The following WDR43 variants were observed in gnomAD, a reference collection of about 807,000 sequenced individuals.
WDR43 encodes WD repeat domain 43, also known as WD repeat-containing protein 43.
A neutral mutation model predicts 91.4 loss-of-function variants in WDR43; 13 were observed. That is an observed-to-expected ratio of 0.14 (90% CI 0.09 to 0.23). WDR43 has a LOEUF of 0.23. Ranked by LOEUF, WDR43 falls within the 10% of genes least tolerant of loss-of-function variation. The pLI, the probability that WDR43 is intolerant of heterozygous loss-of-function variation, is 1.00. For synonymous variants in WDR43, 331 were observed against 287.9 expected, an observed-to-expected ratio of 1.15 and a Z score of -1.51; for missense variants, 780 against 809.4, an observed-to-expected ratio of 0.96 and a Z score of 0.44.
chr2:28,937,827 G>A, intron 13 of WDR43, 104 bp from the exon 14 acceptor site: 1 of 1,059,028 alleles, frequency 9.4e-7, no homozygotes. Flanking sequence ...TTTTCACAGA[G>A]CAACATTTAT....
chr2:28,933,990 A>G (rs1336336692), intron 11 of WDR43, among the ~76,000 whole-genome samples: 1 of 152,232 alleles, frequency 6.6e-6, no homozygotes, highest in African/African-American at 2.4e-5. Context: ...GATATTTACC[A>G]GGAGAATAAC....
intron 7 of WDR43, among the ~76,000 whole-genome samples, chr2:28,923,810 A>T (rs556845340): frequency 1.3e-5 from 2 of 152,034 alleles, no homozygotes; most frequent in East Asian, 3.9e-4. Flanking sequence ...TATAATTGAG[A>T]CTCAGAAGAA....
Position 28,896,166 on chromosome 2 carries a change from G to T in WDR43, c.225+1243G>T, listed in dbSNP as rs528646107. Among the ~76,000 whole-genome samples the T allele has an allele frequency of 1.3e-4, 20 of 152,116 alleles. No homozygotes were observed. In the South Asian group the frequency reaches 3.5e-3, roughly 27 times the overall value. Reference sequence around the variant, plus strand: ...TCTTTTATTTTCAAAGTTTTCTGTGGTTGTATTTTAACAGTCCTGTAAAGT... The same window carrying T: ...TCTTTTATTTTCAAAGTTTTCTGTGTTTGTATTTTAACAGTCCTGTAAAGT... On this transcript the variant is annotated intron_variant, in intron 1 of 17. Coordinates refer to ENST00000407426, the MANE Select transcript of WDR43 (RefSeq NM_015131.3).
chr2:28,925,165 C>T lies in WDR43; in HGVS notation c.1086+12C>T. The T allele has an allele frequency of 6.2e-7, 1 of 1,604,126 alleles. No individual in the cohort carries two copies. The highest frequency in any genetic ancestry group is 1.7e-5 in the Admixed American group (1 of 58,416). On this transcript the variant is annotated intron_variant, in intron 8 of 17. Transcript: ENST00000407426. ...CTATTGAGCGAGTGGTACGTAGCTG[C>T]TACTCTGGAGTAAAGCAATATAGCA...
chr2:28,932,466 T>G (rs1572599789), intron 11 of WDR43, among the ~76,000 whole-genome samples: 1 of 152,286 alleles, frequency 6.6e-6, no homozygotes, highest in African/African-American at 2.4e-5. Context: ...CCCAGCCAAG[T>G]AAACCCTTTT....
At chr2:28,895,626 A>T (rs1490440609) in intron 1 of WDR43, among the ~76,000 whole-genome samples, 1 of 151,620 alleles carries the variant, frequency 6.6e-6, no homozygotes, top group African/African-American at 2.4e-5. Context: ...AGGTTAAGTG[A>T]AGTAGTAGCT....
At chr2:28,930,172 C>T (rs1336987671) in intron 11 of WDR43, 4 of 467,378 alleles carry the variant, frequency 8.6e-6, no homozygotes, top group Non-Finnish European at 4.4e-6. Context: ...GGGGAAAATT[C>T]AAGAGGGTTG....
At chr2:28,921,576 T>C (rs1671026247) in intron 6 of WDR43, among the ~76,000 whole-genome samples, 1 of 152,198 alleles carries the variant, frequency 6.6e-6, no homozygotes, top group South Asian at 2.1e-4. Flanking sequence ...TGCAGAATAA[T>C]CTGCTTATTT....
At chr2:28,939,927 G>A (rs1421013568) in intron 14 of WDR43, among the ~76,000 whole-genome samples, 1 of 151,928 alleles carries the variant, frequency 6.6e-6, no homozygotes, top group East Asian at 2.0e-4. Context: ...CTAACACGGT[G>A]AAACCCCGTC....
Position 28,947,527 on chromosome 2 carries a change from T to G in WDR43, c.*748T>G, listed in dbSNP as rs1194295106. The G allele has an allele frequency of 6.6e-6, 1 of 152,206 alleles. No individual in the cohort carries two copies. Among genetic ancestry groups the G allele is most frequent in the African/African-American group, 2.4e-5 (1 of 41,470 alleles). The allele number at this position is 152,206 out of a possible 1,614,324, so 9.4% of individuals were successfully genotyped here. The stretch of plus-strand genomic sequence containing the variant: ...TCTAAAGAATCATCAGTGTATAGAT[T>G]AGAAGTGCTCATTACCTGCAACTTT... On this transcript the variant is annotated 3_prime_UTR_variant, in exon 18 of 18. Coordinates refer to ENST00000407426, the MANE Select transcript of WDR43 (RefSeq NM_015131.3).
chr2:28,925,350 G>A (rs182844569), intron 8 of WDR43, among the ~76,000 whole-genome samples, 197 bp downstream of exon 8: 95 of 152,026 alleles, frequency 6.2e-4, no homozygotes, highest in Non-Finnish European at 1.2e-3. Flanking sequence ...TCAGTTTAAA[G>A]CATTGTTTGA....
intron 2 of WDR43, among the ~76,000 whole-genome samples, chr2:28,906,248 C>G (rs559814842): frequency 4.2e-4 from 64 of 152,234 alleles, no homozygotes; most frequent in African/African-American, 1.5e-3. Context: ...ACATCCTCTG[C>G]CAATGACTGG....
rs192832250 is a variant in WDR43, at chr2:28,899,143, C to G, written c.226-2844C>G. ...TTGGGGTATTCACTTCTGATGCCTT[C>G]AGGAATTGAGATTTTCCAGTTACAA... is the stretch of plus-strand genomic sequence containing the variant. On this transcript the variant is annotated intron_variant, in intron 1 of 17. Transcript: ENST00000407426. Among the ~76,000 whole-genome samples the G allele has an allele frequency of 5.9e-5, 9 of 152,322 alleles. No homozygotes were observed. The East Asian group carries it at 1.7e-3, about 29-fold the overall frequency.
intron 16 of WDR43, among the ~76,000 whole-genome samples, chr2:28,942,907 G>A (rs1307495582): frequency 6.7e-6 from 1 of 149,966 alleles, no homozygotes; most frequent in Non-Finnish European, 1.5e-5. Flanking sequence ...GGCCAGGTAT[G>A]GAAAATATTT....
chr2:28,923,896 G>T (rs1201456619), intron 7 of WDR43, among the ~76,000 whole-genome samples: 1 of 152,112 alleles, frequency 6.6e-6, no homozygotes, highest in Non-Finnish European at 1.5e-5. Flanking sequence ...TCAAGCAGAG[G>T]ATTCGATGAG....
chr2:28,923,218 A>C (rs1671069321), intron 7 of WDR43, among the ~76,000 whole-genome samples: 1 of 152,228 alleles, frequency 6.6e-6, no homozygotes, highest in South Asian at 2.1e-4. Flanking sequence ...ATGTTGGATA[A>C]TTCTAATGAT....
intron 14 of WDR43, among the ~76,000 whole-genome samples, chr2:28,938,743 T>G (rs1389197195): frequency 6.6e-6 from 1 of 152,212 alleles, no homozygotes; most frequent in East Asian, 1.9e-4. Flanking sequence ...CTTCAGTGGC[T>G]TGAATTAGGG....
intron 5 of WDR43, among the ~76,000 whole-genome samples, chr2:28,914,708 A>T (rs1572587962): frequency 1.3e-5 from 2 of 152,174 alleles, no homozygotes; most frequent in Admixed American, 1.3e-4. Flanking sequence ...AGGCGGGCGG[A>T]TCACGAGGTG....
intron 2 of WDR43, 119 bp from the exon 3 acceptor site, chr2:28,906,341 G>C: frequency 1.0e-6 from 1 of 995,402 alleles, no homozygotes; most frequent in Non-Finnish European, 1.4e-6. Context: ...CCACGTGTGG[G>C]CCAGGAGCAC....
Sources: allele counts gnomAD v4.1 joint callset (sites outside exome capture counted in the v4.1 genomes callset), GRCh38; gene constraint gnomAD v4.1.1; transcripts MANE v1.5; gene names NCBI Gene and HGNC (gene_info 2026-07-23, HGNC 2026-07-21).